GALNT17: variants seen among roughly 807,000 people sequenced by gnomAD.
GALNT17 encodes UDP-GalNAc:polypeptide N-acetylgalactosaminyltransferase-like 3.
In GALNT17, 29 loss-of-function variants were observed where a neutral mutation model predicts 63.7. The observed-to-expected ratio is 0.46, with a 90% CI of 0.34 to 0.62. The LOEUF (loss-of-function observed/expected upper bound fraction) is 0.62. Ranked by LOEUF, GALNT17 falls within the 20% of genes least tolerant of loss-of-function variation. The probability of loss-of-function intolerance (pLI) is 0.01; values close to 1 mark genes in which losing one functional copy is unlikely to be tolerated. For synonymous variants in GALNT17, 305 were observed against 318.3 expected, an observed-to-expected ratio of 0.96 and a Z score of 0.45; for missense variants, 603 against 799.6, an observed-to-expected ratio of 0.75 and a Z score of 2.97.
At chr7:71,140,288 T>C (rs1787862502) in intron 1 of GALNT17, among the ~76,000 whole-genome samples, 2 of 152,178 alleles carry the variant, frequency 1.3e-5, no homozygotes, top group African/African-American at 4.8e-5. Context: ...GCGCGGGCCC[T>C]GGGTTATGGA....
At chr7:71,161,543 G>A (rs899864879) in intron 1 of GALNT17, among the ~76,000 whole-genome samples, 1 of 152,014 alleles carries the variant, frequency 6.6e-6, no homozygotes. Context: ...GGATGGGATG[G>A]GCAGGGCAGG....
intron 6 of GALNT17, among the ~76,000 whole-genome samples, chr7:71,634,599 C>T (rs2116995686): frequency 6.6e-6 from 1 of 151,746 alleles, no homozygotes; most frequent in South Asian, 2.1e-4. Context: ...ATTAAAAATA[C>T]AGAAATTAGC....
intron 5 of GALNT17, among the ~76,000 whole-genome samples, chr7:71,477,748 T>C (rs1787748683): frequency 6.6e-6 from 1 of 152,112 alleles, no homozygotes; most frequent in Non-Finnish European, 1.5e-5. Context: ...TGTTGAGGAA[T>C]AAAAAATTAA....
intron 1 of GALNT17, among the ~76,000 whole-genome samples, chr7:71,334,061 G>T (rs1372427322): frequency 2.6e-5 from 4 of 152,120 alleles, no homozygotes; most frequent in Non-Finnish European, 5.9e-5. Context: ...GGGTCTCTAT[G>T]GAGATGGTGG....
intron 5 of GALNT17, among the ~76,000 whole-genome samples, chr7:71,445,336 G>A (rs1459650065): frequency 7.9e-5 from 12 of 151,160 alleles, no homozygotes; most frequent in South Asian, 2.1e-4. Flanking sequence ...TCACCACCAC[G>A]CCCGGCTAAT....
intron 9 of GALNT17, among the ~76,000 whole-genome samples, chr7:71,694,685 G>A (rs552636607): frequency 2.2e-4 from 34 of 152,204 alleles, no homozygotes; most frequent in Middle Eastern, 6.8e-3. Context: ...CGTGAGCCAC[G>A]GTGCCCAGCC....
intron 10 of GALNT17, among the ~76,000 whole-genome samples, chr7:71,711,196 G>C (rs375828311): frequency 1.3e-5 from 2 of 152,048 alleles, no homozygotes; most frequent in African/African-American, 2.4e-5. Context: ...GGACTTCCTT[G>C]AAATCCACTA....
chr7:71,512,533 G>T (rs6949362), intron 5 of GALNT17, among the ~76,000 whole-genome samples: 1 of 152,180 alleles, frequency 6.6e-6, no homozygotes, highest in South Asian at 2.1e-4. Context: ...CAGTCAGCTT[G>T]GGCCATGAGC....
chr7:71,197,447 A>C (rs1789075535), intron 1 of GALNT17, among the ~76,000 whole-genome samples: 1 of 150,774 alleles, frequency 6.6e-6, no homozygotes, highest in South Asian at 2.1e-4. Flanking sequence ...TGACCTTGTG[A>C]TCCGCCCATC....
At chr7:71,459,367 G>A (rs192585927) in intron 5 of GALNT17, among the ~76,000 whole-genome samples, 4 of 152,310 alleles carry the variant, frequency 2.6e-5, no homozygotes, top group Non-Finnish European at 5.9e-5. Flanking sequence ...GGTTGGCTGA[G>A]ACTCAGTTAT....
chr7:71,405,242 A>G (rs1362791829), intron 3 of GALNT17, among the ~76,000 whole-genome samples: 1 of 152,216 alleles, frequency 6.6e-6, no homozygotes, highest in Non-Finnish European at 1.5e-5. Flanking sequence ...AGAGGTAACA[A>G]TGGTGATGCA....
chr7:71,383,971 G>A (rs1300081238), intron 2 of GALNT17, among the ~76,000 whole-genome samples: 3 of 152,076 alleles, frequency 2.0e-5, no homozygotes, highest in African/African-American at 4.8e-5. Context: ...GTATATACCC[G>A]GAAGTGGAAT....
chr7:71,245,824 G>T (rs141321748), intron 1 of GALNT17, among the ~76,000 whole-genome samples: 2 of 149,642 alleles, frequency 1.3e-5, no homozygotes, highest in Admixed American at 1.3e-4. Flanking sequence ...AATTGGGAAA[G>T]GTCTGCAGAG....
At chr7:71,180,962 A>G (rs1788723123) in intron 1 of GALNT17, among the ~76,000 whole-genome samples, 1 of 152,210 alleles carries the variant, frequency 6.6e-6, no homozygotes, top group Non-Finnish European at 1.5e-5. Context: ...TGACAATAAA[A>G]GTCATGGCCA....
intron 5 of GALNT17, among the ~76,000 whole-genome samples, chr7:71,474,569 C>G (rs1787692523): frequency 6.6e-6 from 1 of 152,052 alleles, no homozygotes; most frequent in Non-Finnish European, 1.5e-5. Flanking sequence ...ATATTTTATT[C>G]AACTTATTAA....
chr7:71,361,842 A>G (rs936760454), intron 2 of GALNT17, among the ~76,000 whole-genome samples: 8 of 152,182 alleles, frequency 5.3e-5, no homozygotes, highest in Admixed American at 1.3e-4. Context: ...GCAGGAAGAT[A>G]AAAGGTTGAG....
intron 4 of GALNT17, among the ~76,000 whole-genome samples, chr7:71,420,337 A>G (rs1426742250): frequency 6.6e-6 from 1 of 152,224 alleles, no homozygotes; most frequent in East Asian, 1.9e-4. Flanking sequence ...CAATTCAATT[A>G]GATCCCTTTA....
chr7:71,353,595 A>C (rs1304453480), intron 2 of GALNT17, among the ~76,000 whole-genome samples: 1 of 152,200 alleles, frequency 6.6e-6, no homozygotes, highest in Non-Finnish European at 1.5e-5. Flanking sequence ...CCAATATTTC[A>C]TCAGAATTAG....
At chr7:71,210,603 A>G (rs1057208380) in intron 1 of GALNT17, among the ~76,000 whole-genome samples, 1 of 152,214 alleles carries the variant, frequency 6.6e-6, no homozygotes, top group Non-Finnish European at 1.5e-5. Flanking sequence ...TAGATACACC[A>G]TATTGGTAAA....
Sources: allele counts gnomAD v4.1 joint callset (sites outside exome capture counted in the v4.1 genomes callset), GRCh38; gene constraint gnomAD v4.1.1; transcripts MANE v1.5; gene names NCBI Gene and HGNC (gene_info 2026-07-23, HGNC 2026-07-21).